The following PYY variants were observed in gnomAD, a reference collection of about 807,000 sequenced individuals.
PYY encodes peptide tyrosine tyrosine.
Under a neutral mutation model 10.3 loss-of-function variants are expected in PYY, and 12 were observed. The ratio of observed to expected loss-of-function variants is 1.17; its 90% CI spans 0.75 to 1.89. The LOEUF (loss-of-function observed/expected upper bound fraction) is 1.89. PYY is among the 40% of genes most tolerant of loss of function. The pLI is 0.00. For missense variants in PYY, 141 were observed against 134.0 expected (o/e 1.05, Z -0.26); for synonymous variants, 66 against 62.0 (o/e 1.06, Z -0.30).
intron 1 of PYY, among the ~76,000 whole-genome samples, chr17:43,986,688 G>A (rs1203555985): frequency 1.3e-5 from 2 of 152,112 alleles, no homozygotes; most frequent in African/African-American, 4.8e-5. Flanking sequence ...ACAGAGCAGG[G>A]GTTCATTATA....
intron 2 of PYY, among the ~76,000 whole-genome samples, chr17:43,963,586 G>GAAAGAAAAGA (rs1555617109): frequency 1.2e-4 from 9 of 72,996 alleles, no homozygotes; most frequent in African/African-American, 4.1e-4. Flanking sequence ...AAGAAAGAAA[G>GAAAGAAAAGA]AAAGAAAGAA....
At chr17:43,975,523 C>T (rs1029245614) in intron 1 of PYY, among the ~76,000 whole-genome samples, 9 of 151,712 alleles carry the variant, frequency 5.9e-5, no homozygotes, top group South Asian at 2.1e-4. Flanking sequence ...GCCTGGGCAA[C>T]ATAGCGAAAT....
At chr17:43,965,804 A>AAAAG (rs2048751595) in intron 2 of PYY, among the ~76,000 whole-genome samples, 1 of 150,024 alleles carries the variant, frequency 6.7e-6, no homozygotes, top group Non-Finnish European at 1.5e-5. Context: ...AAAAAAAAAA[A>AAAAG]AAAAAAAAAA....
chr17:43,977,842 G>A (rs12451426), intron 1 of PYY, among the ~76,000 whole-genome samples: 7,354 of 152,164 alleles, frequency 0.048, 601 homozygotes, highest in African/African-American at 0.17. Flanking sequence ...ATTCTTAAAC[G>A]GGGTTCCTCA....
intron 1 of PYY, among the ~76,000 whole-genome samples, chr17:43,975,338 A>G (rs1459861002): frequency 2.0e-5 from 3 of 151,854 alleles, no homozygotes; most frequent in Admixed American, 2.0e-4. Flanking sequence ...ACTTTGAGAG[A>G]GTTTGCTTGG....
intron 1 of PYY, among the ~76,000 whole-genome samples, chr17:43,984,698 C>T (rs2048905086): frequency 6.6e-6 from 1 of 152,196 alleles, no homozygotes; most frequent in African/African-American, 2.4e-5. Flanking sequence ...AATAAAGGGA[C>T]GCAGCCTGGA....
At chr17:43,960,220 A>T (rs2048701810) in intron 2 of PYY, among the ~76,000 whole-genome samples, 1 of 152,048 alleles carries the variant, frequency 6.6e-6, no homozygotes, top group Non-Finnish European at 1.5e-5. Context: ...CTATCTTGTT[A>T]CTCCAAGTTA....
intron 1 of PYY, among the ~76,000 whole-genome samples, chr17:43,981,806 C>T (rs1330712536): frequency 6.6e-6 from 1 of 152,122 alleles, no homozygotes; most frequent in East Asian, 1.9e-4. Flanking sequence ...GTTTATTAAC[C>T]ATTTGGTTAT....
chr17:43,956,937 C>T (rs1466026524), upstream of PYY, among the ~76,000 whole-genome samples: 4 of 151,918 alleles, frequency 2.6e-5, no homozygotes, highest in African/African-American at 9.7e-5. Context: ...GTGGTGCTCA[C>T]GCCTGTAATC....
At chr17:43,995,476 G>A (rs1410654243) in intron 1 of PYY, among the ~76,000 whole-genome samples, 1 of 151,760 alleles carries the variant, frequency 6.6e-6, no homozygotes, top group East Asian at 2.0e-4. Flanking sequence ...GACCACAGAT[G>A]GTTATAACAA....
At chr17:43,972,096 G>A (rs1474838633) in intron 1 of PYY, among the ~76,000 whole-genome samples, 2 of 151,694 alleles carry the variant, frequency 1.3e-5, no homozygotes, top group African/African-American at 4.8e-5. Context: ...TTGGGTCTAG[G>A]AATCTATACA....
chr17:43,971,201 C>A (rs991153392), intron 1 of PYY, among the ~76,000 whole-genome samples: 1 of 152,192 alleles, frequency 6.6e-6, no homozygotes, highest in Non-Finnish European at 1.5e-5. Context: ...TGCACCCTCT[C>A]GGCACTTCGG....
intron 1 of PYY, among the ~76,000 whole-genome samples, chr17:43,969,734 T>C (rs1007828091): frequency 7.8e-5 from 10 of 128,648 alleles, no homozygotes; most frequent in Non-Finnish European, 1.6e-4. Context: ...TAAGACCCTG[T>C]CTCTACAAAA....
upstream of PYY, among the ~76,000 whole-genome samples, chr17:43,956,381 G>A (rs187837067): frequency 6.6e-6 from 1 of 151,962 alleles, no homozygotes; most frequent in East Asian, 2.0e-4. Context: ...TTGATTAGCG[G>A]GGAAAATGTC....
chr17:44,000,644 G>A (rs1187062671), intron 1 of PYY, among the ~76,000 whole-genome samples: 6 of 144,326 alleles, frequency 4.2e-5, no homozygotes, highest in Admixed American at 1.5e-4. Flanking sequence ...TTGGCTCACC[G>A]CGACCTCCAC....
intron 1 of PYY, among the ~76,000 whole-genome samples, chr17:44,002,479 C>A (rs2049035011): frequency 6.6e-6 from 1 of 152,190 alleles, no homozygotes. Context: ...TCTACAACAA[C>A]AGAGGGTCCT....
intron 1 of PYY, among the ~76,000 whole-genome samples, chr17:43,985,514 G>T (rs1279699012): frequency 1.3e-5 from 2 of 152,194 alleles, no homozygotes; most frequent in African/African-American, 4.8e-5. Flanking sequence ...AATGTCCAAG[G>T]CTGCCTGGGC....
At chr17:43,957,190 T>A (rs1393535981), upstream of PYY, among the ~76,000 whole-genome samples, 1 of 140,956 alleles carries the variant, frequency 7.1e-6, no homozygotes, top group African/African-American at 2.7e-5. Flanking sequence ...AGAGTGAAAC[T>A]GTCTCCAAAA....
intron 1 of PYY, among the ~76,000 whole-genome samples, chr17:43,984,887 G>C (rs1045702629): frequency 4.6e-5 from 7 of 152,198 alleles, no homozygotes; most frequent in African/African-American, 1.7e-4. Flanking sequence ...GGTTGTATGA[G>C]ATGGTGGAAC....
Sources: gnomAD v4.1 joint callset for allele counts (sites outside exome capture counted in the v4.1 genomes callset) on GRCh38, gnomAD v4.1.1 for gene constraint, MANE v1.5 for transcripts, NCBI Gene and HGNC (gene_info 2026-07-23, HGNC 2026-07-21) for gene names.